Variants in CHRNA7 observed in about 807,000 individuals in gnomAD.
CHRNA7 encodes the protein cholinergic receptor nicotinic alpha 7 subunit, also known as neuronal acetylcholine receptor subunit alpha-7.
CHRNA7 carries 17 observed loss-of-function variants against 48.0 expected under a neutral mutation model. That is an observed-to-expected ratio of 0.35 (90% CI 0.24 to 0.53). CHRNA7 has a LOEUF of 0.53. CHRNA7 is among the 20% of genes least tolerant of loss of function. The pLI is 0.92. For missense variants in CHRNA7, 155 were observed against 577.7 expected (o/e 0.27, Z 7.50); for synonymous variants, 75 against 242.3 (o/e 0.31, Z 6.41).
At chr15:32,035,713 A>G (rs897055226) in intron 2 of CHRNA7, among the ~76,000 whole-genome samples, 1 of 152,214 alleles carries the variant, frequency 6.6e-6, no homozygotes, top group African/African-American at 2.4e-5. Context: ...TATAAAACCC[A>G]CATACCTAGA....
chr15:32,048,279 G>A (rs1356323089), intron 2 of CHRNA7, among the ~76,000 whole-genome samples: 14 of 152,106 alleles, frequency 9.2e-5, no homozygotes, highest in South Asian at 2.1e-4. Context: ...GGTAGAATTC[G>A]GCTGTGAATC....
intron 2 of CHRNA7, among the ~76,000 whole-genome samples, chr15:32,031,435 G>A (rs2141155339): frequency 6.6e-6 from 1 of 152,330 alleles, no homozygotes; most frequent in South Asian, 2.1e-4. Flanking sequence ...GCCACTTCTA[G>A]ACTTTTCTGC....
intron 2 of CHRNA7, among the ~76,000 whole-genome samples, chr15:32,036,293 C>T: frequency 6.6e-6 from 1 of 152,138 alleles, no homozygotes; most frequent in East Asian, 1.9e-4. Flanking sequence ...AATAATATGC[C>T]AGTGGTCTGG....
At chr15:32,114,264 G>A (rs899144947) in intron 4 of CHRNA7, among the ~76,000 whole-genome samples, 1 of 151,750 alleles carries the variant, frequency 6.6e-6, no homozygotes, top group Non-Finnish European at 1.5e-5. Flanking sequence ...ACTCCAAAAT[G>A]TAAAATGTTT....
chr15:32,127,497 A>C (rs148844138), intron 4 of CHRNA7, among the ~76,000 whole-genome samples: 2 of 152,206 alleles, frequency 1.3e-5, no homozygotes, highest in East Asian at 3.9e-4. Flanking sequence ...CCACGCTAGT[A>C]GGTGTGTAGT....
At chr15:32,084,833 CT>C (rs56806689) in intron 2 of CHRNA7, among the ~76,000 whole-genome samples, 3,154 of 139,106 alleles carry the variant, frequency 0.023, 89 homozygotes, top group African/African-American at 0.073. Flanking sequence ...ACCTCTGACT[CT>C]TTTTTTTTTT....
rs745413698 is a variant in CHRNA7 at position 32,101,300 on chromosome 15, A to G, written c.196-3A>G. The G allele has an allele frequency of 3.9e-6, 5 of 1,287,534 alleles. No homozygotes were observed. Among genetic ancestry groups the G allele is most frequent in the East Asian group, 5.7e-5 (2 of 35,212 alleles). The allele number at this position is 1,287,534 out of a possible 1,614,324, so 79.8% of individuals were successfully genotyped here. A position where few individuals can be genotyped will look rare whatever the true frequency, so the allele number is the denominator to read the frequency against. ...TGCTGCTGCTTTTTTTTTTTTTTTG[A>G]AGGATGAGAAGAACCAAGTTTTAAC... On this transcript the variant is annotated splice_region_variant and splice_polypyrimidine_tract_variant and intron_variant, in intron 2 of 9. Coordinates refer to ENST00000306901, the MANE Select transcript of CHRNA7 (RefSeq NM_000746.6).
intron 4 of CHRNA7, among the ~76,000 whole-genome samples, chr15:32,115,882 A>G (rs1440100537): frequency 6.6e-6 from 1 of 152,176 alleles, no homozygotes; most frequent in Non-Finnish European, 1.5e-5. Context: ...CAGAGAAGAA[A>G]GAAAGCAAAG....
At chr15:32,138,289 T>A (rs1280767525) in intron 4 of CHRNA7, among the ~76,000 whole-genome samples, 1 of 152,168 alleles carries the variant, frequency 6.6e-6, no homozygotes, top group Admixed American at 6.5e-5. Flanking sequence ...CACAATTTTA[T>A]GCCAAAATTT....
chr15:32,086,625 C>T (rs1045757535), intron 2 of CHRNA7, among the ~76,000 whole-genome samples: 7 of 152,132 alleles, frequency 4.6e-5, no homozygotes, highest in Non-Finnish European at 7.4e-5. Context: ...GTTTCTGTTC[C>T]ACGATCCCAT....
intron 3 of CHRNA7, among the ~76,000 whole-genome samples, chr15:32,108,883 A>G (rs1039724817): frequency 2.0e-5 from 3 of 152,160 alleles, no homozygotes; most frequent in South Asian, 2.1e-4. Flanking sequence ...TTCAGAGACA[A>G]TGATTTACCT....
intron 2 of CHRNA7, among the ~76,000 whole-genome samples, chr15:32,070,486 A>G (rs537536141): frequency 6.6e-5 from 10 of 152,080 alleles, no homozygotes; most frequent in Admixed American, 2.0e-4. Flanking sequence ...CATACAGTCT[A>G]ATTTTATTTT....
chr15:32,085,994 A>G (rs969663023), intron 2 of CHRNA7, among the ~76,000 whole-genome samples: 3 of 152,198 alleles, frequency 2.0e-5, no homozygotes, highest in South Asian at 2.1e-4. Flanking sequence ...TTTTACTACA[A>G]TGTGACTTAG....
At chr15:32,114,577 A>G (rs537892191) in intron 4 of CHRNA7, among the ~76,000 whole-genome samples, 2 of 152,338 alleles carry the variant, frequency 1.3e-5, no homozygotes, top group East Asian at 1.9e-4. Flanking sequence ...TTCCTGAGAC[A>G]TGGAATGTAG....
At chr15:32,064,160 T>C (rs140060854) in intron 2 of CHRNA7, among the ~76,000 whole-genome samples, 10 of 152,346 alleles carry the variant, frequency 6.6e-5, no homozygotes, top group Admixed American at 4.6e-4. Context: ...CTGATTTTTG[T>C]TAGTATTTTT....
At chr15:32,154,767 CCTAA>C (rs758591385) in intron 5 of CHRNA7, among the ~76,000 whole-genome samples, 313 of 139,574 alleles carry the variant, frequency 2.2e-3, no homozygotes, top group Non-Finnish European at 3.7e-3. Context: ...TACCTCCACA[CCTAA>C]CTACCACTCA....
chr15:32,125,562 C>T (rs1050814111), intron 4 of CHRNA7, among the ~76,000 whole-genome samples: 11 of 152,098 alleles, frequency 7.2e-5, no homozygotes, highest in Admixed American at 1.3e-4. Context: ...AGGGGACAAT[C>T]GGAAAGAGCT....
chr15:32,143,321 G>A (rs578219684), intron 4 of CHRNA7, among the ~76,000 whole-genome samples: 13 of 152,226 alleles, frequency 8.5e-5, no homozygotes, highest in East Asian at 7.7e-4. Context: ...TACATTTGCC[G>A]AGGAGTGTTT....
At chr15:32,095,334 C>T (rs1447938570) in intron 2 of CHRNA7, among the ~76,000 whole-genome samples, 3 of 152,148 alleles carry the variant, frequency 2.0e-5, no homozygotes, top group Admixed American at 6.5e-5. Context: ...TATTGAAGAT[C>T]CTCTAAGTTT....
Sources: gnomAD v4.1 joint callset for allele counts (sites outside exome capture counted in the v4.1 genomes callset) on GRCh38, gnomAD v4.1.1 for gene constraint, MANE v1.5 for transcripts, NCBI Gene and HGNC (gene_info 2026-07-23, HGNC 2026-07-21) for gene names.